The following DENND6A variants were observed in gnomAD, a reference collection of about 807,000 sequenced individuals.
DENND6A encodes the protein protein DENND6A.
Under a neutral mutation model 95.5 loss-of-function variants are expected in DENND6A, and 43 were observed. The observed-to-expected ratio is 0.45, with a 90% CI of 0.35 to 0.58. DENND6A has a LOEUF of 0.58. Ranked by LOEUF, DENND6A falls within the 20% of genes least tolerant of loss-of-function variation. The pLI is 0.00. For synonymous variants in DENND6A, 257 were observed against 260.4 expected (o/e 0.99, Z 0.13); for missense variants, 574 against 736.0 (o/e 0.78, Z 2.55).
At chr3:57,645,261 G>A (rs2071054242) in intron 11 of DENND6A, among the ~76,000 whole-genome samples, 1 of 152,038 alleles carries the variant, frequency 6.6e-6, no homozygotes, top group African/African-American at 2.4e-5. Flanking sequence ...AGGAATTCGA[G>A]ATCAGCCTGA....
At chr3:57,686,237 T>C (rs1211629176) in intron 1 of DENND6A, among the ~76,000 whole-genome samples, 2 of 152,220 alleles carry the variant, frequency 1.3e-5, no homozygotes, top group Non-Finnish European at 2.9e-5. Context: ...CAAAGTTACA[T>C]AATGGTGTAG....
chr3:57,663,553 T>G (rs1487449862), intron 5 of DENND6A, 83 bp downstream of exon 5: 12 of 909,616 alleles, frequency 1.3e-5, no homozygotes, highest in Admixed American at 1.1e-4. Flanking sequence ...CCAAAGACTT[T>G]AAAGACTCTT....
chr3:57,660,636 A>G, intron 7 of DENND6A, 124 bp downstream of exon 7: 1 of 730,720 alleles, frequency 1.4e-6, no homozygotes, highest in East Asian at 3.4e-5. Flanking sequence ...TGAGCCCGGA[A>G]AGTTGAGGCT....
At chr3:57,679,605 T>C (rs928774284) in intron 1 of DENND6A, 4 of 973,612 alleles carry the variant, frequency 4.1e-6, no homozygotes, top group African/African-American at 3.5e-5. Flanking sequence ...CCTAATTAGA[T>C]GTGTCCTTGT....
rs879593519 is a variant in DENND6A, at chr3:57,641,875, T to C, written c.1038-128A>G. On this transcript the variant is annotated intron_variant, in intron 11 of 19. Transcript: ENST00000311128. ...TTGATTTTTCCTTTATTCAACACAT[T>C]ACATATCAACTACATGCCAGGCAAC... 3 of 645,238 alleles carry C rather than the reference T, an allele frequency of 4.6e-6. No homozygotes were observed. In the Admixed American group the frequency reaches 9.2e-5, roughly 20 times the overall value. 40.0% of individuals were successfully genotyped at this position (645,238 alleles called of 1,614,324 possible). A position where few individuals can be genotyped will look rare whatever the true frequency, so the allele number is the denominator to read the frequency against.
intron 9 of DENND6A, chr3:57,654,636 C>T (rs2071285975): frequency 2.0e-6 from 2 of 984,918 alleles, no homozygotes; most frequent in African/African-American, 3.5e-5. Context: ...AACTGCCCTT[C>T]AATTCTAATC....
At chr3:57,668,084 T>C (rs530378092) in intron 3 of DENND6A, among the ~76,000 whole-genome samples, 12 of 152,124 alleles carry the variant, frequency 7.9e-5, no homozygotes, top group Non-Finnish European at 1.5e-4. Flanking sequence ...AATTAGACTT[T>C]TATTTTACAT....
chr3:57,636,926 G>A (rs2070806626), intron 12 of DENND6A, among the ~76,000 whole-genome samples: 1 of 126,960 alleles, frequency 7.9e-6, no homozygotes, highest in South Asian at 2.6e-4. Context: ...GACAGAGCGA[G>A]ACTCTGTCTC....
intron 3 of DENND6A, 22 bp from the exon 4 acceptor site, chr3:57,666,257 T>C: frequency 6.4e-7 from 1 of 1,555,824 alleles, no homozygotes; most frequent in South Asian, 1.1e-5. Flanking sequence ...AAAAATGAAA[T>C]AAATTAAGGA....
rs755916953 is a variant in DENND6A, at chr3:57,628,266, A to G, written c.1775T>C (p.Leu592Ser). The G allele has an allele frequency of 6.2e-6, 10 of 1,614,154 alleles. No homozygotes were observed. The South Asian group carries it at 9.9e-5, about 16-fold the overall frequency. Residue 592 changes from leucine (L) to serine (S), a missense_variant, in exon 20 of 20, where the codon TTA (leucine) becomes TCA (serine). Coordinates refer to ENST00000311128, the MANE Select transcript of DENND6A (RefSeq NM_152678.3). ...GCCTTGCAAGTCCTCTGGCAATGCT[A>G]AGATAATGGCATCTATGTGTGTCCG... is the stretch of plus-strand genomic sequence containing the variant. ...KLRTHIDAII[L>S]ALPEDLQGIL...
At chr3:57,643,650 A>G (rs1196758569) in intron 11 of DENND6A, among the ~76,000 whole-genome samples, 1 of 151,810 alleles carries the variant, frequency 6.6e-6, no homozygotes, top group Non-Finnish European at 1.5e-5. Flanking sequence ...AACATGATGA[A>G]ACCCCATCTC....
At chr3:57,691,564 G>A (rs1425671486) in intron 1 of DENND6A, among the ~76,000 whole-genome samples, 1 of 147,912 alleles carries the variant, frequency 6.8e-6, no homozygotes, top group Admixed American at 6.9e-5. Flanking sequence ...AAGGCAGGCC[G>A]AATACGAAAG....
rs760212141 is a variant in DENND6A, at chr3:57,630,416, C to T, written c.1620+5G>A. On this transcript the variant is annotated splice_donor_5th_base_variant and intron_variant, in intron 18 of 19. Transcript: ENST00000311128. ...AATCATTACACAAACACACAGTTTT[C>T]GAACCTCTTCACAAAGAGCTTCTAG... The T allele has an allele frequency of 5.1e-6, 8 of 1,577,588 alleles. No individual in the cohort carries two copies. Among genetic ancestry groups the T allele is most frequent in the South Asian group, 3.6e-5 (3 of 83,366 alleles).
intron 1 of DENND6A, among the ~76,000 whole-genome samples, chr3:57,689,137 T>C (rs985661025): frequency 6.6e-6 from 1 of 152,012 alleles, no homozygotes; most frequent in Admixed American, 6.6e-5. Flanking sequence ...GTATTTTTAG[T>C]AGAGACGGGG....
intron 3 of DENND6A, among the ~76,000 whole-genome samples, 200 bp downstream of exon 3, chr3:57,672,056 C>T (rs1038663377): frequency 1.3e-5 from 2 of 152,302 alleles, no homozygotes; most frequent in East Asian, 3.9e-4. Context: ...TGGTTTACCT[C>T]ATCACACCAT....
Position 57,628,191 on chromosome 3 carries a change from T to C in DENND6A, c.*23A>G, listed in dbSNP as rs570399791. 5.9e-5 allele frequency: 95 copies of C among 1,608,234 alleles called. 1 individual carries two copies. In the South Asian group the frequency reaches 7.6e-4, roughly 13 times the overall value. On this transcript the variant is annotated 3_prime_UTR_variant, in exon 20 of 20. Transcript: ENST00000311128. ...ATGCTTCATGATGCATAATCCTTTTTGGCTGGAAAATCTTGGCAAATATCA... is the reference window on the plus strand; with the variant it reads ...ATGCTTCATGATGCATAATCCTTTTCGGCTGGAAAATCTTGGCAAATATCA...
At chr3:57,675,654 A>C (rs530705247) in intron 1 of DENND6A, among the ~76,000 whole-genome samples, 2 of 152,324 alleles carry the variant, frequency 1.3e-5, no homozygotes, top group African/African-American at 4.8e-5. Context: ...CCTGCAAGGA[A>C]GCAGGGCTAG....
intron 1 of DENND6A, among the ~76,000 whole-genome samples, chr3:57,680,496 C>G (rs1483662097): frequency 6.6e-6 from 1 of 151,998 alleles, no homozygotes; most frequent in Admixed American, 6.6e-5. Context: ...ATCTATGAAT[C>G]AGAAAGAGTA....
chr3:57,691,825 G>C (rs989020541), intron 1 of DENND6A, among the ~76,000 whole-genome samples: 1 of 152,112 alleles, frequency 6.6e-6, no homozygotes, highest in Admixed American at 6.6e-5. Context: ...CTTTCGGTAA[G>C]GGGCCATACA....
Sources: gnomAD v4.1 joint callset for allele counts (sites outside exome capture counted in the v4.1 genomes callset) on GRCh38, gnomAD v4.1.1 for gene constraint, MANE v1.5 for transcripts, NCBI Gene and HGNC (gene_info 2026-07-23, HGNC 2026-07-21) for gene names.